The following SLC45A4 variants were observed in gnomAD, a reference collection of about 807,000 sequenced individuals.
SLC45A4 encodes solute carrier family 45 member 4.
In SLC45A4, 32 loss-of-function variants were observed where a neutral mutation model predicts 63.7. That is an observed-to-expected ratio of 0.50 (90% CI 0.38 to 0.67). The LOEUF (loss-of-function observed/expected upper bound fraction) is 0.67, where lower values mean the gene tolerates loss of function less well. Ranked by LOEUF, SLC45A4 falls within the 30% of genes least tolerant of loss-of-function variation. SLC45A4 has a pLI of 0.00. For missense variants in SLC45A4, 1,027 were observed against 1,157.7 expected (o/e 0.89, Z 1.64); for synonymous variants, 535 against 510.0 (o/e 1.05, Z -0.66).
At chr8:141,298,527 CA>C (rs1204846844) in intron 1 of SLC45A4, among the ~76,000 whole-genome samples, 1 of 152,194 alleles carries the variant, frequency 6.6e-6, no homozygotes, top group Non-Finnish European at 1.5e-5. Context: ...AACAAGAGGG[CA>C]AAATTGGGCA....
At chr8:141,295,620 C>A (rs564738839) in intron 1 of SLC45A4, among the ~76,000 whole-genome samples, 15 of 152,314 alleles carry the variant, frequency 9.8e-5, no homozygotes, top group African/African-American at 3.4e-4. Context: ...ACGCAGAAAA[C>A]AGGGTAAACG....
chr8:141,232,069 G>A (rs1185314360), intron 2 of SLC45A4, among the ~76,000 whole-genome samples: 6 of 152,248 alleles, frequency 3.9e-5, no homozygotes, highest in Non-Finnish European at 7.3e-5. Flanking sequence ...CTCAGGCTCT[G>A]CATCTCTCCT....
chr8:141,301,138 C>T (rs1288707792), intron 1 of SLC45A4, among the ~76,000 whole-genome samples: 1 of 152,184 alleles, frequency 6.6e-6, no homozygotes, highest in African/African-American at 2.4e-5. Context: ...CCCGCCTAGA[C>T]AAGAGGAAGG....
intron 1 of SLC45A4, among the ~76,000 whole-genome samples, chr8:141,285,391 C>G (rs956419237): frequency 6.6e-6 from 1 of 152,248 alleles, no homozygotes; most frequent in Non-Finnish European, 1.5e-5. Context: ...CCCAGTTACA[C>G]GGGTTCGACC....
At chr8:141,234,809 G>A (rs912666085) in intron 2 of SLC45A4, among the ~76,000 whole-genome samples, 7 of 152,160 alleles carry the variant, frequency 4.6e-5, no homozygotes, top group East Asian at 1.9e-4. Context: ...TCCACGTTCC[G>A]CTCTGGCCCC....
intron 1 of SLC45A4, among the ~76,000 whole-genome samples, chr8:141,297,001 A>C (rs891846676): frequency 2.0e-5 from 3 of 152,124 alleles, no homozygotes; most frequent in Admixed American, 6.5e-5. Flanking sequence ...CTTGAGAAAG[A>C]AATCTTTGTT....
chr8:141,214,100 C>T (rs541746286), intron 7 of SLC45A4, among the ~76,000 whole-genome samples: 5 of 149,742 alleles, frequency 3.3e-5, no homozygotes, highest in South Asian at 2.1e-4. Flanking sequence ...TCCAGCTACT[C>T]GGGAGGCTGA....
At chr8:141,255,585 G>A (rs578223303) in intron 1 of SLC45A4, among the ~76,000 whole-genome samples, 7 of 152,192 alleles carry the variant, frequency 4.6e-5, no homozygotes, top group African/African-American at 1.2e-4. Context: ...GCATGGTGGC[G>A]GGCGCCTGTA....
intron 2 of SLC45A4, among the ~76,000 whole-genome samples, chr8:141,233,066 A>C (rs999138954): frequency 6.6e-6 from 1 of 152,258 alleles, no homozygotes; most frequent in African/African-American, 2.4e-5. Context: ...GGGCATTAGG[A>C]AGTGCTAAGT....
chr8:141,300,992 C>T (rs568140911), intron 1 of SLC45A4, among the ~76,000 whole-genome samples: 1 of 152,212 alleles, frequency 6.6e-6, no homozygotes, highest in Non-Finnish European at 1.5e-5. Flanking sequence ...ACAGGAGCAT[C>T]CTGAGGGGCC....
chr8:141,220,086 C>T (rs1826508627), intron 3 of SLC45A4, among the ~76,000 whole-genome samples: 1 of 152,200 alleles, frequency 6.6e-6, no homozygotes, highest in African/African-American at 2.4e-5. Flanking sequence ...GGTTTACGCG[C>T]CCTTGATGTT....
intron 2 of SLC45A4, chr8:141,230,362 G>C (rs1443399455): frequency 5.8e-6 from 2 of 343,284 alleles, no homozygotes; most frequent in East Asian, 1.6e-4. Flanking sequence ...AGAAGGCAGA[G>C]AGGGAAGCGG....
chr8:141,212,149 C>CGGGGGGGGGGG, intron 8 of SLC45A4, 48 bp downstream of exon 8: 2 of 643,492 alleles, frequency 3.1e-6, no homozygotes, highest in African/African-American at 2.0e-5. Flanking sequence ...CCCGCCCGCC[C>CGGGGGGGGGGG]GCCCACCCGC....
At position 141,211,523 on chromosome 8, in the gene SLC45A4, T is replaced by G. The variant is rs1255723069; in HGVS notation, c.*49A>C. ...TCGCTGCCCAAGGACAGGGCTGCCC[T>G]GGGCACAATGTGTCCAACTCGCTGA... On this transcript the variant is annotated 3_prime_UTR_variant, in exon 9 of 9. Transcript: ENST00000517878. 6.2e-7 allele frequency: 1 copy of G among 1,612,892 alleles called. No homozygotes were observed. Among genetic ancestry groups the G allele is most frequent in the African/African-American group, 1.3e-5 (1 of 75,040 alleles).
chr8:141,293,911 C>T (rs976886300), intron 1 of SLC45A4, among the ~76,000 whole-genome samples: 9 of 144,296 alleles, frequency 6.2e-5, no homozygotes, highest in Non-Finnish European at 1.0e-4. Flanking sequence ...CCAGCCTGGG[C>T]AACAGAGCGA....
rs115103897 is a variant in SLC45A4 at position 141,299,254 on chromosome 8, C to T, written c.-401+8842G>A. 5.3e-3 allele frequency among the ~76,000 whole-genome samples: 806 copies of T among 152,346 alleles called. 7 individuals are homozygous for T. The highest frequency in any genetic ancestry group is 0.017 in the African/African-American group (720 of 41,584). On this transcript the variant is annotated intron_variant, in intron 1 of 8. Coordinates refer to ENST00000517878, the MANE Select transcript of SLC45A4 (RefSeq NM_001286646.2). ...CCCTGCACCCCACCCACAACGAGGA[C>T]GCCAGGCTTCATGATGTTTCTACGG...
intron 1 of SLC45A4, among the ~76,000 whole-genome samples, chr8:141,258,277 C>T (rs577099155): frequency 4.9e-4 from 75 of 152,258 alleles, no homozygotes; most frequent in Admixed American, 2.2e-3. Flanking sequence ...CACCCCCCAG[C>T]CTCACTCTGC....
intron 1 of SLC45A4, among the ~76,000 whole-genome samples, chr8:141,269,049 C>T (rs113492554): frequency 6.6e-4 from 101 of 152,356 alleles, no homozygotes; most frequent in African/African-American, 2.4e-3. Flanking sequence ...GGCTCCACCC[C>T]AGACCCACTG....
At chr8:141,228,328 G>C in intron 2 of SLC45A4, 1 of 1,596,182 alleles carries the variant, frequency 6.3e-7, no homozygotes, top group Non-Finnish European at 8.5e-7. Context: ...GGGGGCCACT[G>C]TTTCTCCTCT....
Sources: gnomAD v4.1 joint callset for allele counts (sites outside exome capture counted in the v4.1 genomes callset) on GRCh38, gnomAD v4.1.1 for gene constraint, MANE v1.5 for transcripts, NCBI Gene and HGNC (gene_info 2026-07-23, HGNC 2026-07-21) for gene names.